Variants in SYNE2 observed in about 807,000 individuals in gnomAD.
The protein encoded by SYNE2 is spectrin repeat containing nuclear envelope protein 2.
Under a neutral mutation model 856.3 loss-of-function variants are expected in SYNE2, and 431 were observed. That is an observed-to-expected ratio of 0.50 (90% confidence interval 0.47 to 0.55). SYNE2 has a LOEUF of 0.55. Ranked by LOEUF, SYNE2 falls within the 20% of genes least tolerant of loss-of-function variation. The pLI is 0.00. For synonymous variants in SYNE2, 2,923 were observed against 2,872.3 expected (o/e 1.02, Z -0.56); for missense variants, 8,129 against 8,023.2 (o/e 1.01, Z -0.50).
chr14:64,222,600 C>T (rs1184683211), intron 112 of SYNE2, among the ~76,000 whole-genome samples: 3 of 152,134 alleles, frequency 2.0e-5, no homozygotes, highest in Non-Finnish European at 4.4e-5. Flanking sequence ...GTGGCAGGCG[C>T]CTGTAATCCC....
intron 6 of SYNE2, 111 bp downstream of exon 6, chr14:63,942,254 A>G: frequency 2.7e-6 from 2 of 730,434 alleles, no homozygotes; most frequent in South Asian, 1.5e-5. Context: ...TCCTATAAAT[A>G]GGACCTCTGA....
chr14:63,801,675 G>A lies in SYNE2; in HGVS notation c.-305+39689G>A, dbSNP rs1451091804. On this transcript the variant is annotated intron_variant, in intron 1 of 23. Coordinates refer to the SYNE2 transcript ENST00000674003. ...GGCAACAACAGTGAAACTCCATCTC[G>A]AAAAAAAAAGTAGTATAAAGAAATA... Among the ~76,000 whole-genome samples the A allele has an allele frequency of 6.0e-5, 9 of 149,496 alleles. No individual in the cohort carries two copies. In the East Asian group the frequency reaches 7.8e-4, roughly 13 times the overall value.
intron 2 of SYNE2, among the ~76,000 whole-genome samples, chr14:63,935,586 A>G (rs2095820703): frequency 6.6e-6 from 1 of 152,248 alleles, no homozygotes; most frequent in Non-Finnish European, 1.5e-5. Flanking sequence ...AGAGATTAAT[A>G]AGGTAGAGAA....
chr14:63,938,250 G>T (rs1025298557), intron 2 of SYNE2, among the ~76,000 whole-genome samples: 2 of 152,056 alleles, frequency 1.3e-5, no homozygotes, highest in African/African-American at 4.8e-5. Flanking sequence ...GAGCCTAGGA[G>T]TTTGAGACCA....
At chr14:63,895,211 T>TCTC (rs1250312951) in intron 1 of SYNE2, among the ~76,000 whole-genome samples, 1 of 151,636 alleles carries the variant, frequency 6.6e-6, no homozygotes, top group Non-Finnish European at 1.5e-5. Flanking sequence ...TTCAAGTGAT[T>TCTC]CTCCTGCCTC....
chr14:64,116,512 G>C (rs1208341202), intron 66 of SYNE2, among the ~76,000 whole-genome samples: 2 of 152,152 alleles, frequency 1.3e-5, no homozygotes, highest in African/African-American at 4.8e-5. Flanking sequence ...CTGCCTCCTG[G>C]GTTCAAGTGA....
intron 58 of SYNE2, among the ~76,000 whole-genome samples, 155 bp downstream of exon 58, chr14:64,088,011 T>A (rs1450210826): frequency 2.0e-5 from 3 of 152,124 alleles, no homozygotes; most frequent in Non-Finnish European, 4.4e-5. Context: ...GGTGAAACCC[T>A]GTCTCTACTA....
intron 15 of SYNE2, 74 bp downstream of exon 15, chr14:63,980,806 T>C (rs928910652): frequency 1.9e-5 from 23 of 1,211,408 alleles, no homozygotes; most frequent in Non-Finnish European, 9.6e-6. Flanking sequence ...GTGCTTTCTA[T>C]ATAATGTTTT....
At chr14:64,138,946 GGTGTGTGTGTGTGT>G (rs150016027) in intron 79 of SYNE2, among the ~76,000 whole-genome samples, 12 of 137,778 alleles carry the variant, frequency 8.7e-5, no homozygotes, top group East Asian at 6.3e-4. Context: ...GTGTATGTAT[GGTGTGTGTGTGTGT>G]GTGTGTGTGT....
chr14:63,835,833 A>G (rs796419001), intron 1 of SYNE2, among the ~76,000 whole-genome samples: 12 of 152,158 alleles, frequency 7.9e-5, no homozygotes, highest in African/African-American at 2.9e-4. Flanking sequence ...AAAATACGAA[A>G]TTAGCTGGGC....
At chr14:64,137,065 T>C (rs2098099013) in intron 78 of SYNE2, among the ~76,000 whole-genome samples, 1 of 152,204 alleles carries the variant, frequency 6.6e-6, no homozygotes, top group Non-Finnish European at 1.5e-5. Context: ...TAGGTAAGAT[T>C]TCCTGATTTT....
chr14:63,954,911 A>G lies in SYNE2; in HGVS notation c.783A>G (p.Pro261=), dbSNP rs1360332373. Residue 261 remains proline (P), a synonymous_variant, in exon 8 of 116, where the codon CCA becomes CCG. Coordinates refer to ENST00000555002, the MANE Select transcript of SYNE2 (RefSeq NM_182914.3). ...TAAAAATCCCCAGATTGCTGGAACC[A>G]GAAGGTAAAGAAGCTTCTTTGTTTT... ...QELKIPRLLE[P]EDVDVVDPDE... is the part of the protein sequence containing the mutation. The G allele has an allele frequency of 3.7e-6, 6 of 1,610,780 alleles. No individual in the cohort carries two copies. Among genetic ancestry groups the G allele is most frequent in the Non-Finnish European group, 5.1e-6 (6 of 1,178,420 alleles).
At chr14:63,904,233 C>T (rs1430595681) in intron 1 of SYNE2, among the ~76,000 whole-genome samples, 5 of 152,050 alleles carry the variant, frequency 3.3e-5, no homozygotes, top group Admixed American at 3.3e-4. Context: ...TGATGGGAAC[C>T]CAGGCTGAAT....
intron 96 of SYNE2, 128 bp from the exon 97 acceptor site, chr14:64,186,296 C>A: frequency 8.1e-7 from 1 of 1,235,068 alleles, no homozygotes; most frequent in Non-Finnish European, 1.2e-6. Context: ...GTTTCCCATT[C>A]AGAAGGTCCC....
At chr14:64,141,559 T>G in intron 81 of SYNE2, 36 bp downstream of exon 81, 1 of 1,596,272 alleles carries the variant, frequency 6.3e-7, no homozygotes, top group Non-Finnish European at 8.6e-7. Flanking sequence ...GAATTAGCAT[T>G]CACTTGTTAG....
chr14:63,935,717 A>G (rs1265085971), intron 2 of SYNE2, among the ~76,000 whole-genome samples: 1 of 152,212 alleles, frequency 6.6e-6, no homozygotes, highest in Non-Finnish European at 1.5e-5. Context: ...GTGATAATTA[A>G]AAACATTATT....
intron 57 of SYNE2, chr14:64,085,072 AT>A (rs748452035): frequency 0.11 from 51,302 of 455,760 alleles, 19 homozygotes; most frequent in South Asian, 0.15. Context: ...CAGAAGCCAC[AT>A]TTTTTTTTTT....
intron 50 of SYNE2, among the ~76,000 whole-genome samples, chr14:64,064,898 G>A (rs1268777185): frequency 6.8e-6 from 1 of 146,892 alleles, no homozygotes; most frequent in African/African-American, 2.5e-5. Context: ...TGTTGCCCAG[G>A]CTGGAGTGCA....
chr14:64,084,831 G>A (rs747001519), intron 57 of SYNE2: 48 of 627,274 alleles, frequency 7.7e-5, no homozygotes, highest in Non-Finnish European at 1.2e-4. Context: ...TCTCTCATGA[G>A]AATGCGGTCA....
Sources: allele counts gnomAD v4.1 joint callset (sites outside exome capture counted in the v4.1 genomes callset), GRCh38; gene constraint gnomAD v4.1.1; transcripts MANE v1.5; gene names NCBI Gene and HGNC (gene_info 2026-07-23, HGNC 2026-07-21).